CDH9: variants seen among roughly 807,000 people sequenced by gnomAD.
CDH9 encodes the protein cadherin 9.
Under a neutral mutation model 70.9 loss-of-function variants are expected in CDH9, and 28 were observed. That is an observed-to-expected ratio of 0.40 (90% CI 0.29 to 0.54). The LOEUF (loss-of-function observed/expected upper bound fraction) is 0.54, where lower values mean the gene tolerates loss of function less well. Ranked by LOEUF, CDH9 falls within the 20% of genes least tolerant of loss-of-function variation. CDH9 has a pLI of 0.59. For synonymous variants in CDH9, 409 were observed against 343.1 expected (o/e 1.19, Z -2.12); for missense variants, 874 against 984.4 (o/e 0.89, Z 1.50).
At chr5:26,910,356 T>G (rs1741030725) in intron 3 of CDH9, among the ~76,000 whole-genome samples, 1 of 152,172 alleles carries the variant, frequency 6.6e-6, no homozygotes, top group South Asian at 2.1e-4. Flanking sequence ...TTAAACGGTT[T>G]TCTACACACA....
At chr5:26,974,457 A>G (rs1465949518) in intron 2 of CDH9, among the ~76,000 whole-genome samples, 2 of 152,130 alleles carry the variant, frequency 1.3e-5, no homozygotes, top group African/African-American at 4.8e-5. Flanking sequence ...CGTGATTACA[A>G]TAGGACTATA....
intron 2 of CDH9, among the ~76,000 whole-genome samples, chr5:26,945,229 C>A (rs1188473344): frequency 1.3e-5 from 2 of 151,370 alleles, no homozygotes; most frequent in Non-Finnish European, 2.9e-5. Context: ...CTCACCTGAA[C>A]CAATTGCATG....
At chr5:26,990,627 G>A (rs978286855) in intron 1 of CDH9, among the ~76,000 whole-genome samples, 3 of 152,152 alleles carry the variant, frequency 2.0e-5, no homozygotes, top group Non-Finnish European at 4.4e-5. Flanking sequence ...CAATGGAAGA[G>A]TAACACTTAG....
intron 11 of CDH9, among the ~76,000 whole-genome samples, chr5:26,885,002 C>T (rs1030088323): frequency 3.3e-5 from 5 of 152,042 alleles, no homozygotes; most frequent in African/African-American, 1.2e-4. Flanking sequence ...TTTGTTATGT[C>T]ACACCAATGC....
chr5:26,899,008 A>G (rs1277715636), intron 7 of CDH9, among the ~76,000 whole-genome samples: 2 of 152,198 alleles, frequency 1.3e-5, no homozygotes, highest in Non-Finnish European at 2.9e-5. Flanking sequence ...AAGGTGAGTG[A>G]AGGATATGAA....
chr5:27,005,154 A>T (rs560348955), intron 1 of CDH9, among the ~76,000 whole-genome samples: 3 of 152,130 alleles, frequency 2.0e-5, no homozygotes, highest in Non-Finnish European at 4.4e-5. Flanking sequence ...TAATGGTGAG[A>T]GCAAAATACA....
intron 1 of CDH9, among the ~76,000 whole-genome samples, chr5:27,021,121 G>A (rs1232831886): frequency 6.6e-6 from 1 of 151,720 alleles, no homozygotes; most frequent in East Asian, 1.9e-4. Context: ...TAGAAATGAA[G>A]GCATATTAGG....
At chr5:26,944,013 G>A (rs536388395) in intron 2 of CDH9, among the ~76,000 whole-genome samples, 1 of 151,988 alleles carries the variant, frequency 6.6e-6, no homozygotes, top group Non-Finnish European at 1.5e-5. Context: ...CACAACAATT[G>A]CATTCTCTCA....
intron 3 of CDH9, among the ~76,000 whole-genome samples, chr5:26,911,945 T>C (rs944189068): frequency 1.5e-4 from 23 of 150,438 alleles, no homozygotes; most frequent in East Asian, 7.8e-4. Flanking sequence ...AGGGAAGGAG[T>C]TGGTAAGAGA....
chr5:27,007,892 G>T (rs1181451606), intron 1 of CDH9, among the ~76,000 whole-genome samples: 2 of 151,964 alleles, frequency 1.3e-5, no homozygotes, highest in African/African-American at 4.8e-5. Flanking sequence ...ATTTCAATTA[G>T]ATATTAGGAT....
chr5:26,890,543 A>G lies in CDH9; in HGVS notation c.1275T>C (p.Thr425=), dbSNP rs777294478. The G allele has an allele frequency of 1.2e-6, 2 of 1,607,868 alleles. No homozygotes were observed. The highest frequency in any genetic ancestry group is 1.7e-5 in the Admixed American group (1 of 60,008). ...GAATACCAAAAATACGGTCCATATC[A>G]GTATGCCGATCAACAGAGTACCTGG... ...NLIKYSVDRH[T]DMDRIFGIHS... The change falls in exon 8 of 12, where the codon ACT becomes ACC. Residue 425 remains threonine, a synonymous_variant. Coordinates refer to ENST00000231021, the MANE Select transcript of CDH9 (RefSeq NM_016279.4).
intron 11 of CDH9, among the ~76,000 whole-genome samples, chr5:26,883,071 AT>A (rs1332295279): frequency 1.6e-5 from 2 of 128,820 alleles, no homozygotes; most frequent in African/African-American, 5.8e-5. Context: ...ATATATATAT[AT>A]ATATATATAT....
chr5:26,955,012 C>A (rs955837447), intron 2 of CDH9, among the ~76,000 whole-genome samples: 2 of 151,982 alleles, frequency 1.3e-5, no homozygotes, highest in Non-Finnish European at 2.9e-5. Context: ...ACCAGCCTGG[C>A]AACAGAATGA....
intron 1 of CDH9, among the ~76,000 whole-genome samples, chr5:27,022,726 A>T (rs933384687): frequency 2.6e-5 from 4 of 152,052 alleles, no homozygotes; most frequent in Admixed American, 6.6e-5. Flanking sequence ...GAAATTCTAA[A>T]CCACATTCTT....
At chr5:27,032,160 A>T (rs1435074239) in intron 1 of CDH9, among the ~76,000 whole-genome samples, 1 of 151,710 alleles carries the variant, frequency 6.6e-6, no homozygotes, top group Non-Finnish European at 1.5e-5. Flanking sequence ...ATGCTGAAAT[A>T]GCCCTATAAT....
intron 1 of CDH9, among the ~76,000 whole-genome samples, chr5:27,018,108 G>C (rs1311123062): frequency 6.6e-6 from 1 of 151,678 alleles, no homozygotes; most frequent in East Asian, 1.9e-4. Context: ...AAAAGGTTAA[G>C]ATCTATTTTC....
At chr5:26,883,041 T>TTAGAGAGATATATATA (rs1221330777) in intron 11 of CDH9, among the ~76,000 whole-genome samples, 1 of 58,040 alleles carries the variant, frequency 1.7e-5, no homozygotes, top group Non-Finnish European at 3.3e-5. Context: ...CAGGATCATC[T>TTAGAGAGATATATATA]TATATATATA....
At chr5:26,906,915 T>C (rs1408791553) in intron 3 of CDH9, 77 bp from the exon 4 acceptor site, 140 of 1,461,088 alleles carry the variant, frequency 9.6e-5, no homozygotes, top group Non-Finnish European at 1.2e-4. Flanking sequence ...AAAAATATGT[T>C]GCTCTCAGTG....
Position 26,881,162 on chromosome 5 carries a change from C to T in CDH9, c.2344G>A (p.Gly782Arg), listed in dbSNP as rs757487434. Residue 782 changes from glycine to arginine, a missense_variant, in exon 12 of 12, where the codon GGG (glycine) becomes AGG (arginine). Physicochemically the swap from Gly to Arg is moderately radical, Grantham distance 125. Transcript: ENST00000231021. ...TAGTCTCGGTCACTATCATCACCCC[C>T]ATACATATCGGCAAGTTTTTTGAAA... ...PRFKKLADMY[G>R]GDDSDRD 11 of 1,612,100 alleles carry T rather than the reference C, an allele frequency of 6.8e-6. No individual in the cohort carries two copies. The East Asian group carries it at 2.2e-4, about 33-fold the overall frequency.
Sources: allele counts gnomAD v4.1 joint callset (sites outside exome capture counted in the v4.1 genomes callset), GRCh38; gene constraint gnomAD v4.1.1; transcripts MANE v1.5; gene names NCBI Gene and HGNC (gene_info 2026-07-23, HGNC 2026-07-21).